The following NR2C2AP variants were observed in gnomAD, a reference collection of about 807,000 sequenced individuals.
The protein encoded by NR2C2AP is nuclear receptor 2C2 associated protein.
A neutral mutation model predicts 19.1 loss-of-function variants in NR2C2AP; 13 were observed. That is an observed-to-expected ratio of 0.68 (90% CI 0.44 to 1.08). NR2C2AP has a LOEUF of 1.08. NR2C2AP is among the 50% of genes least tolerant of loss of function. NR2C2AP has a pLI of 0.00. For missense variants in NR2C2AP, 181 were observed against 172.7 expected, an observed-to-expected ratio of 1.05 and a Z score of -0.27; for synonymous variants, 81 against 64.4, an observed-to-expected ratio of 1.26 and a Z score of -1.23.
At chr19:19,202,444 C>T in intron 3 of NR2C2AP, 26 bp downstream of exon 3, 1 of 1,613,148 alleles carries the variant, frequency 6.2e-7, no homozygotes, top group Non-Finnish European at 8.5e-7. Context: ...CCCCTGGAAC[C>T]CCTGCCACCC....
Position 19,201,555 on chromosome 19 carries a change from G to T in NR2C2AP, c.*370C>A. ...AATGCAGGTCTCTGCAAGGGTCCCT[G>T]TTTGTCCCCTAAGGGGAGAGCGCAG... On this transcript the variant is annotated 3_prime_UTR_variant, in exon 5 of 5. Transcript: ENST00000331552. The T allele has an allele frequency of 1.2e-6, 2 of 1,607,448 alleles. No homozygotes were observed.
chr19:19,202,134 T>C (rs2060729669), intron 4 of NR2C2AP, 93 bp from the exon 5 acceptor site: 2 of 1,382,730 alleles, frequency 1.4e-6, no homozygotes, highest in African/African-American at 1.4e-5. Flanking sequence ...TCCACCGATG[T>C]GGGCAACCTG....
chr19:19,201,488 G>C lies in NR2C2AP; in HGVS notation c.*437C>G. 6.3e-7 allele frequency: 1 copy of C among 1,590,608 alleles called. No homozygotes were observed. On this transcript the variant is annotated 3_prime_UTR_variant, in exon 5 of 5. Coordinates refer to ENST00000331552, the MANE Select transcript of NR2C2AP (RefSeq NM_176880.6). ...TTTTTACAAACTTAGGGGAAGTTGA[G>C]GTTCCTGGGGTGAGTCCTCGGTTCT...
chr19:19,201,731 C>T lies in NR2C2AP; in HGVS notation c.*194G>A, dbSNP rs10413280. 4,891 of 1,613,810 alleles carry T rather than the reference C, an allele frequency of 3.0e-3. 141 individuals carry two copies. In the African/African-American group the frequency reaches 0.057, roughly 19 times the overall value. The stretch of plus-strand genomic sequence containing the variant: ...CTGACCCTGAGTGAAGGCCGCCTGC[C>T]GGGGACTCAGACACTCAGGGAACAA... On this transcript the variant is annotated 3_prime_UTR_variant, in exon 5 of 5. Transcript: ENST00000331552.
At position 19,202,901 on chromosome 19, in the gene NR2C2AP, G is replaced by A; in HGVS notation, c.39-20C>T. 1 of 1,611,702 alleles carries A rather than the reference G, an allele frequency of 6.2e-7. No homozygotes were observed. The highest frequency in any genetic ancestry group is 1.1e-5 in the South Asian group (1 of 91,030). On this transcript the variant is annotated intron_variant, in intron 1 of 4. Transcript: ENST00000331552. ...CTCACCCTGGAGGCACCAGGATCAA[G>A]GCGAAGAGAGGGGCTGAGACCAGCT...
chr19:19,202,478 CA>C lies in NR2C2AP; in HGVS notation c.226del (p.Cys76AlafsTer15), dbSNP rs1480349006. On this transcript the variant is annotated frameshift_variant, in exon 3 of 5. Transcript: ENST00000331552. LOFTEE classifies it high-confidence loss of function. ...CCAGGGCCTTCTAGTACCTTCCAGGCAGCCCCGGCGACTGGAGAAGCCACCC... is the reference window on the plus strand; with the variant it reads ...CCAGGGCCTTCTAGTACCTTCCAGGCGCCCCGGCGACTGGAGAAGCCACCC... ...FQGGFSSRRG[C>X]LEGSQGTQAL... is the part of the protein sequence containing the mutation. The C allele has an allele frequency of 6.2e-7, 1 of 1,614,108 alleles. No homozygotes were observed. The highest frequency in any genetic ancestry group is 1.7e-5 in the Admixed American group (1 of 60,020).
In NR2C2AP at chr19:19,201,700, T is replaced by G; in HGVS notation, c.*225A>C. Reference sequence around the variant, plus strand: ...CTCAAGCTCTTCCAGAGCAACCTGGTGCCCGCTGACCCTGAGTGAAGGCCG... The same window carrying G: ...CTCAAGCTCTTCCAGAGCAACCTGGGGCCCGCTGACCCTGAGTGAAGGCCG... On this transcript the variant is annotated 3_prime_UTR_variant, in exon 5 of 5. Coordinates refer to ENST00000331552, the MANE Select transcript of NR2C2AP (RefSeq NM_176880.6). The G allele has an allele frequency of 6.2e-7, 1 of 1,614,114 alleles. No individual in the cohort carries two copies. Among genetic ancestry groups the G allele is most frequent in the Non-Finnish European group, 8.5e-7 (1 of 1,180,010 alleles).
At chr19:19,202,715 G>A in intron 2 of NR2C2AP, 76 bp downstream of exon 2, 2 of 1,463,350 alleles carry the variant, frequency 1.4e-6, no homozygotes, top group Non-Finnish European at 1.9e-6. Flanking sequence ...ACCCATGAGG[G>A]CCCCCTGACG....
chr19:19,202,655 C>T, intron 2 of NR2C2AP, 80 bp from the exon 3 acceptor site: 4 of 1,425,916 alleles, frequency 2.8e-6, no homozygotes, highest in South Asian at 2.3e-5. Context: ...TCACATAGTT[C>T]TTGGAATGGA....
In NR2C2AP at chr19:19,203,122, GCCT is replaced by G; in HGVS notation, c.-65_-63del. ...GCACAGCCTTGGTTCGAATCCCGGC[GCCT>G]CCTCAAGCTACAGGGCGGCGCGATC... is the stretch of plus-strand genomic sequence containing the variant. On this transcript the variant is annotated 5_prime_UTR_variant, in exon 1 of 5. Transcript: ENST00000331552. 6.4e-7 allele frequency: 1 copy of G among 1,571,330 alleles called. No homozygotes were observed.
chr19:19,202,309 C>G (rs1433374452), intron 4 of NR2C2AP, 22 bp downstream of exon 4: 5 of 1,612,688 alleles, frequency 3.1e-6, no homozygotes, highest in African/African-American at 1.3e-5. Context: ...GACCACCCAC[C>G]CCAGAAGCAG....
At position 19,203,256 on chromosome 19, in the gene NR2C2AP, G is replaced by A. The variant is rs868161650; in HGVS notation, c.-196C>T. ...TGTCGCCTCGATCAATCCCCTGCCG[G>A]AAAATTTGGGAGAGAGGATCAGGGA... On this transcript the variant is annotated 5_prime_UTR_variant, in exon 1 of 5. Transcript: ENST00000331552. 40 of 626,636 alleles carry A rather than the reference G, an allele frequency of 6.4e-5. No individual in the cohort carries two copies. The Middle Eastern group carries it at 4.6e-3, about 72-fold the overall frequency. The allele number at this position is 626,636 out of a possible 1,614,324, so 38.8% of individuals were successfully genotyped here.
In NR2C2AP at chr19:19,202,579, G is replaced by A. The variant is rs748010960; in HGVS notation, c.130-4C>T. 6.2e-7 allele frequency: 1 copy of A among 1,610,784 alleles called. No individual in the cohort carries two copies. The highest frequency in any genetic ancestry group is 8.5e-7 in the Non-Finnish European group (1 of 1,178,454). ...GCGTCACCCACTGGGAGGGGCCCTG[G>A]AAGCAGACAGGGAAACTGAGGCGCA... On this transcript the variant is annotated splice_region_variant and splice_polypyrimidine_tract_variant and intron_variant, in intron 2 of 4. Transcript: ENST00000331552.
intron 2 of NR2C2AP, 24 bp from the exon 3 acceptor site, chr19:19,202,599 G>A: frequency 6.3e-7 from 1 of 1,593,920 alleles, no homozygotes; most frequent in Non-Finnish European, 8.6e-7. Flanking sequence ...GGGAAACTGA[G>A]GCGCAAGCTC....
chr19:19,201,762 T>C lies in NR2C2AP; in HGVS notation c.*163A>G, dbSNP rs1383555805. 1 of 1,613,570 alleles carries C rather than the reference T, an allele frequency of 6.2e-7. No homozygotes were observed. Among genetic ancestry groups the C allele is most frequent in the East Asian group, 2.2e-5 (1 of 44,878 alleles). ...CTCAGACACTCAGGGAACAAAATGGTCAGCCAGAGCTGGGGAAACCCAGAA... is the reference window on the plus strand; with the variant it reads ...CTCAGACACTCAGGGAACAAAATGGCCAGCCAGAGCTGGGGAAACCCAGAA... On this transcript the variant is annotated 3_prime_UTR_variant, in exon 5 of 5. Coordinates refer to ENST00000331552, the MANE Select transcript of NR2C2AP (RefSeq NM_176880.6).
At position 19,201,991 on chromosome 19, in the gene NR2C2AP, C is replaced by G; in HGVS notation, c.354G>C (p.Glu118Asp). The G allele has an allele frequency of 1.2e-6, 2 of 1,614,186 alleles. No homozygotes were observed. The highest frequency in any genetic ancestry group is 1.7e-6 in the Non-Finnish European group (2 of 1,180,028). Residue 118 changes from glutamate to aspartate, a missense_variant, in exon 5 of 5, where the codon GAG (glutamate) becomes GAC (aspartate). Physicochemically the swap from Glu to Asp is conservative, Grantham distance 45. Coordinates refer to ENST00000331552, the MANE Select transcript of NR2C2AP (RefSeq NM_176880.6). The stretch of plus-strand genomic sequence containing the variant: ...CACGGCCAAAAAAGTCAGTGGCATC[C>G]TCAAACGTCACCTTCAGCCGGTCCA... The part of the protein sequence containing the change: ...AEVDRLKVTF[E>D]DATDFFGRVV...
Position 19,202,041 on chromosome 19 carries a change from T to G in NR2C2AP, c.304A>C (p.Thr102Pro), listed in dbSNP as rs1249480483. 6.2e-7 allele frequency: 1 copy of G among 1,614,080 alleles called. No individual in the cohort carries two copies. Among genetic ancestry groups the G allele is most frequent in the Non-Finnish European group, 8.5e-7 (1 of 1,179,990 alleles). ...ACTTCAGCAGCTGGTATGGGGAAAG[T>G]GTGAGCGTGGGCAGTCAAGGGAAAC... ...FYPEDNNSLQ[T>P]FPIPAAEVDR... Residue 102 changes from threonine (T) to proline (P), a missense_variant and splice_region_variant, in exon 5 of 5, where the codon ACT (threonine) becomes CCT (proline). Physicochemically the swap from Thr to Pro is conservative, Grantham distance 38. Coordinates refer to ENST00000331552, the MANE Select transcript of NR2C2AP (RefSeq NM_176880.6).
chr19:19,202,755 C>T, intron 2 of NR2C2AP, 36 bp downstream of exon 2: 1 of 1,572,756 alleles, frequency 6.4e-7, no homozygotes, highest in Non-Finnish European at 8.8e-7. Context: ...GAATCTGAAT[C>T]ACCCTAGAGA....
chr19:19,203,296 G>A lies in NR2C2AP; in HGVS notation c.-236C>T. ...AGGATCAGGGAAACCGCCAATGCCC[G>A]GAGGCCAGGCCTTTCACAGGAAACA... On this transcript the variant is annotated 5_prime_UTR_variant, in exon 1 of 5. Coordinates refer to ENST00000331552, the MANE Select transcript of NR2C2AP (RefSeq NM_176880.6). The A allele has an allele frequency of 3.4e-6, 2 of 593,912 alleles. No homozygotes were observed. Among genetic ancestry groups the A allele is most frequent in the South Asian group, 2.0e-5 (1 of 50,530 alleles). 36.8% of individuals were successfully genotyped at this position (593,912 alleles called of 1,614,324 possible). A position where few individuals can be genotyped will look rare whatever the true frequency, so the allele number is the denominator to read the frequency against.
Sources: allele counts gnomAD v4.1 joint callset, GRCh38; gene constraint gnomAD v4.1.1; transcripts MANE v1.5; gene names NCBI Gene and HGNC (gene_info 2026-07-23, HGNC 2026-07-21).